Variants in PPARGC1A observed in about 807,000 individuals in gnomAD.
PPARGC1A encodes PPARG coactivator 1 alpha.
A neutral mutation model predicts 88.7 loss-of-function variants in PPARGC1A; 25 were observed. That is an observed-to-expected ratio of 0.28 (90% CI 0.21 to 0.39). PPARGC1A has a LOEUF of 0.39. Among genes scored for constraint, PPARGC1A ranks in the 10% least tolerant of loss-of-function variants. The probability of loss-of-function intolerance (pLI) is 1.00; values close to 1 mark genes in which losing one functional copy is unlikely to be tolerated. For missense variants in PPARGC1A, 880 were observed against 968.7 expected (o/e 0.91, Z 1.22); for synonymous variants, 363 against 355.6 (o/e 1.02, Z -0.24).
the PPARGC1A span, among the ~76,000 whole-genome samples, chr4:24,317,555 T>TAA: frequency 0.013 from 286 of 22,202 alleles, 79 homozygotes; most frequent in Non-Finnish European, 0.023. Flanking sequence ...TTCAGAGGAC[T>TAA]AAAAAAAAAA....
At chr4:23,947,376 T>TAA in the PPARGC1A span, among the ~76,000 whole-genome samples, 1 of 25,324 alleles carries the variant, frequency 3.9e-5, no homozygotes, top group Non-Finnish European at 8.8e-5. Flanking sequence ...TATATATATA[T>TAA]ATATATATAT....
At chr4:24,055,034 A>T in the PPARGC1A span, among the ~76,000 whole-genome samples, 1 of 152,236 alleles carries the variant, frequency 6.6e-6, no homozygotes, top group Non-Finnish European at 1.5e-5. Context: ...GAGGAAGTTG[A>T]AACACAAGAA....
At chr4:24,005,542 C>T in the PPARGC1A span, among the ~76,000 whole-genome samples, 1 of 152,134 alleles carries the variant, frequency 6.6e-6, no homozygotes, top group Non-Finnish European at 1.5e-5. Context: ...TTTTATACTT[C>T]TCTGGCTCCA....
the PPARGC1A span, among the ~76,000 whole-genome samples, chr4:24,299,179 T>C: frequency 2.0e-5 from 3 of 152,196 alleles, no homozygotes; most frequent in Non-Finnish European, 4.4e-5. Flanking sequence ...TTTTATGCTC[T>C]TTATTACATG....
chr4:24,307,821 C>T, the PPARGC1A span, among the ~76,000 whole-genome samples: 1 of 152,114 alleles, frequency 6.6e-6, no homozygotes, highest in Non-Finnish European at 1.5e-5. Flanking sequence ...CACTAACCTG[C>T]CCTGCTTTTT....
the PPARGC1A span, among the ~76,000 whole-genome samples, chr4:24,376,454 T>G: frequency 6.6e-6 from 1 of 152,192 alleles, no homozygotes; most frequent in African/African-American, 2.4e-5. Context: ...TATGCCCAAC[T>G]GAATAAAGCA....
chr4:23,823,656 G>T (rs1223116299), intron 7 of PPARGC1A, among the ~76,000 whole-genome samples: 1 of 151,972 alleles, frequency 6.6e-6, no homozygotes, highest in African/African-American at 2.4e-5. Flanking sequence ...TATAAGTAAA[G>T]ATTTGTGTCT....
At chr4:24,009,535 G>A in the PPARGC1A span, among the ~76,000 whole-genome samples, 5 of 152,194 alleles carry the variant, frequency 3.3e-5, no homozygotes, top group African/African-American at 9.6e-5. Context: ...TTTCAGGGCT[G>A]ACAATGTATT....
At chr4:23,813,202 C>T (rs1321512767) in intron 8 of PPARGC1A, 77 bp from the exon 9 acceptor site, 1 of 1,181,392 alleles carries the variant, frequency 8.5e-7, no homozygotes, top group South Asian at 1.2e-5. Flanking sequence ...GTGGAGCATC[C>T]TCTGGGACAC....
At chr4:24,331,409 C>A in the PPARGC1A span, among the ~76,000 whole-genome samples, 1 of 152,264 alleles carries the variant, frequency 6.6e-6, no homozygotes, top group East Asian at 1.9e-4. Flanking sequence ...CCCTAGTCAG[C>A]CACTCACCAT....
intron 2 of PPARGC1A, among the ~76,000 whole-genome samples, chr4:23,857,509 G>C (rs758924204): frequency 4.0e-5 from 6 of 151,500 alleles, no homozygotes; most frequent in African/African-American, 7.3e-5. Context: ...AATTTCAGAG[G>C]ATAGCCACTG....
At chr4:24,200,406 G>A in the PPARGC1A span, among the ~76,000 whole-genome samples, 1 of 151,960 alleles carries the variant, frequency 6.6e-6, no homozygotes, top group Non-Finnish European at 1.5e-5. Flanking sequence ...AGCTATTTGG[G>A]AGGTTGAGGC....
the PPARGC1A span, among the ~76,000 whole-genome samples, chr4:24,369,019 C>T: frequency 6.6e-6 from 1 of 152,200 alleles, no homozygotes; most frequent in Non-Finnish European, 1.5e-5. Flanking sequence ...ACGAGCACCC[C>T]ATCTGGCTCT....
rs541248713 is a variant in PPARGC1A at position 23,883,620 on chromosome 4, C to A, written c.234+1132G>T. The A allele has an allele frequency of 2.0e-5, 3 of 152,242 alleles. No individual in the cohort carries two copies. The South Asian group carries it at 6.2e-4, about 32-fold the overall frequency. The allele number at this position is 152,242 out of a possible 1,614,324, so 9.4% of individuals were successfully genotyped here. On this transcript the variant is annotated intron_variant, in intron 2 of 12. Coordinates refer to ENST00000264867, the MANE Select transcript of PPARGC1A (RefSeq NM_013261.5). The stretch of plus-strand genomic sequence containing the variant: ...CAGGAATGATAACAATAGGACCTAA[C>A]AATAGGTTGTTTTCAAGGATAAGTG...
At chr4:24,275,345 G>A in the PPARGC1A span, among the ~76,000 whole-genome samples, 1 of 152,176 alleles carries the variant, frequency 6.6e-6, no homozygotes. Flanking sequence ...TACAAGGTCT[G>A]TGTAAACTGA....
At chr4:23,902,604 G>A (rs937324439), upstream of PPARGC1A, among the ~76,000 whole-genome samples, 1 of 152,202 alleles carries the variant, frequency 6.6e-6, no homozygotes, top group Non-Finnish European at 1.5e-5. Context: ...GTGGAGAATA[G>A]AGCTGACCGT....
the PPARGC1A span, among the ~76,000 whole-genome samples, chr4:23,978,496 T>C: frequency 6.6e-6 from 1 of 152,234 alleles, no homozygotes; most frequent in South Asian, 2.1e-4. Flanking sequence ...TTTTCTGATA[T>C]GGATCCATCT....
At chr4:24,387,746 AAGAGAGAGAG>A in the PPARGC1A span, among the ~76,000 whole-genome samples, 14 of 61,176 alleles carry the variant, frequency 2.3e-4, no homozygotes, top group African/African-American at 9.0e-4. Context: ...GAAAGAAAGA[AAGAGAGAGAG>A]AGAGAGAGAG....
intron 2 of PPARGC1A, among the ~76,000 whole-genome samples, chr4:23,872,894 T>A: frequency 6.6e-6 from 1 of 152,122 alleles, no homozygotes; most frequent in Non-Finnish European, 1.5e-5. Flanking sequence ...AATTGGTTCT[T>A]GTCTAAGAAA....
Sources: gnomAD v4.1 joint callset for allele counts (sites outside exome capture counted in the v4.1 genomes callset) on GRCh38, gnomAD v4.1.1 for gene constraint, MANE v1.5 for transcripts, NCBI Gene and HGNC (gene_info 2026-07-23, HGNC 2026-07-21) for gene names.